CCDC14: variants seen among roughly 807,000 people sequenced by gnomAD.
CCDC14 encodes coiled-coil domain-containing protein 14.
CCDC14 carries 71 observed loss-of-function variants against 81.4 expected under a neutral mutation model. The ratio of observed to expected loss-of-function variants is 0.87; its 90% CI spans 0.72 to 1.06. The LOEUF (loss-of-function observed/expected upper bound fraction) is 1.06. CCDC14 is among the 50% of genes least tolerant of loss of function. The probability of loss-of-function intolerance (pLI) is 0.00; values close to 1 mark genes in which losing one functional copy is unlikely to be tolerated. For missense variants in CCDC14, 1,046 were observed against 1,047.3 expected (o/e 1.00, Z 0.02); for synonymous variants, 332 against 364.8 (o/e 0.91, Z 1.03).
intron 9 of CCDC14, among the ~76,000 whole-genome samples, chr3:123,934,422 GTAGT>G (rs72341994): frequency 0.11 from 16,611 of 150,744 alleles, 2,012 homozygotes; most frequent in East Asian, 0.42. Context: ...CTTCATCACT[GTAGT>G]TAATCATCTA....
At chr3:123,918,493 T>A (rs1432001138) in intron 12 of CCDC14, among the ~76,000 whole-genome samples, 1 of 152,180 alleles carries the variant, frequency 6.6e-6, no homozygotes, top group East Asian at 1.9e-4. Context: ...TTCATGAATA[T>A]CCCAGAACTC....
At chr3:123,902,770 AT>A (rs2034203990) in intron 5 of CCDC14, among the ~76,000 whole-genome samples, 1 of 152,260 alleles carries the variant, frequency 6.6e-6, no homozygotes. Context: ...ATTATTGTTA[AT>A]TTTTTTAGAT....
intron 6 of CCDC14, 26 bp from the exon 7 acceptor site, chr3:123,948,811 A>C: frequency 6.3e-7 from 1 of 1,578,666 alleles, no homozygotes; most frequent in South Asian, 1.2e-5. Flanking sequence ...AGAAAAAATT[A>C]ATCACATATC....
chr3:123,913,152 A>T (rs2034485277), downstream of CCDC14, among the ~76,000 whole-genome samples: 1 of 152,196 alleles, frequency 6.6e-6, no homozygotes, highest in Non-Finnish European at 1.5e-5. Context: ...TAACCAAATT[A>T]TTGCATGTTC....
chr3:123,935,855 T>C (rs1041558413), intron 9 of CCDC14, among the ~76,000 whole-genome samples: 2 of 152,176 alleles, frequency 1.3e-5, no homozygotes, highest in African/African-American at 4.8e-5. Flanking sequence ...CTCAATTGTA[T>C]ACTTTCCTTT....
chr3:123,927,122 G>T (rs2035410092), intron 12 of CCDC14, among the ~76,000 whole-genome samples: 1 of 151,840 alleles, frequency 6.6e-6, no homozygotes, highest in Non-Finnish European at 1.5e-5. Flanking sequence ...TTAATGTAAA[G>T]AACAAAACAA....
rs373195627 is a variant in CCDC14, at chr3:123,931,198, T to C, written c.1682A>G (p.Gln561Arg). ...EEALVNVKSSQFKLETAEKEN... is the reference protein window; with the variant it reads ...EEALVNVKSSRFKLETAEKEN... ...CTTTTCAGCAGTTTCTAACTTAAAC[T>C]GGGAGCTTTTCACATTGACTAGGGC... Residue 561 changes from glutamine (Q) to arginine (R), a missense_variant, in exon 12 of 13, where the codon CAG becomes CGG. By Grantham distance (43) the Gln-to-Arg change is conservative. Transcript: ENST00000409697. The C allele has an allele frequency of 2.8e-5, 45 of 1,612,142 alleles. 1 individual carries two copies. The South Asian group carries it at 4.3e-4, about 15-fold the overall frequency.
chr3:123,932,281 A>G (rs565468344), intron 10 of CCDC14, among the ~76,000 whole-genome samples: 1 of 152,288 alleles, frequency 6.6e-6, no homozygotes, highest in African/African-American at 2.4e-5. Flanking sequence ...TAAAGTGGCA[A>G]CTACTGATCT....
At chr3:123,942,909 G>A (rs1169507358) in intron 9 of CCDC14, among the ~76,000 whole-genome samples, 1 of 151,924 alleles carries the variant, frequency 6.6e-6, no homozygotes, top group Non-Finnish European at 1.5e-5. Context: ...AACAAGTTAA[G>A]ATGACCAAAA....
At chr3:123,923,870 C>T (rs986955724) in intron 12 of CCDC14, among the ~76,000 whole-genome samples, 1 of 150,804 alleles carries the variant, frequency 6.6e-6, no homozygotes, top group Non-Finnish European at 1.5e-5. Context: ...TCATGCTACC[C>T]AAAATGACCT....
intron 9 of CCDC14, among the ~76,000 whole-genome samples, chr3:123,936,735 T>C (rs554088520): frequency 6.6e-6 from 1 of 152,098 alleles, no homozygotes; most frequent in South Asian, 2.1e-4. Flanking sequence ...AAGATAACTA[T>C]TGTGTACTGG....
chr3:123,892,811 C>A (rs1198569887), downstream of CCDC14, among the ~76,000 whole-genome samples: 4 of 151,858 alleles, frequency 2.6e-5, no homozygotes, highest in Non-Finnish European at 5.9e-5. Flanking sequence ...TAATTTTAAC[C>A]ATTTTTTTTT....
At chr3:123,923,441 G>C (rs572708360) in intron 12 of CCDC14, among the ~76,000 whole-genome samples, 2 of 151,868 alleles carry the variant, frequency 1.3e-5, no homozygotes, top group Admixed American at 6.5e-5. Context: ...GAGTAATTAT[G>C]CAAGAGAAAA....
In CCDC14 at chr3:123,915,694, C is replaced by A; in HGVS notation, c.1803G>T (p.Lys601Asn). ...LTRTLQTSMA[K>N]LLSDLSVDSA... ...TGTCCACACTAAGATCGGAGAGAAG[C>A]TTTGCCATGCTAGTCTGTAAAGTTC... Residue 601 changes from lysine to asparagine, a missense_variant, in exon 13 of 13, where the codon AAG becomes AAT. Lys to Asn is a moderately conservative substitution (Grantham distance 94, BLOSUM62 0). Coordinates refer to ENST00000409697, the MANE Select transcript of CCDC14 (RefSeq NM_001366335.1). The A allele has an allele frequency of 6.2e-7, 1 of 1,612,298 alleles. No individual in the cohort carries two copies. Among genetic ancestry groups the A allele is most frequent in the East Asian group, 2.2e-5 (1 of 44,860 alleles).
At chr3:123,902,551 A>T (rs1577199686) in intron 5 of CCDC14, among the ~76,000 whole-genome samples, 1 of 152,242 alleles carries the variant, frequency 6.6e-6, no homozygotes, top group Non-Finnish European at 1.5e-5. Context: ...CAAAACATAG[A>T]AATGCAACTT....
intron 12 of CCDC14, among the ~76,000 whole-genome samples, chr3:123,917,764 T>C (rs2034800205): frequency 6.6e-6 from 1 of 152,104 alleles, no homozygotes; most frequent in Non-Finnish European, 1.5e-5. Context: ...ATAACTCTTC[T>C]GGAGAGGAAA....
rs1420728730 is a variant in CCDC14, at chr3:123,931,342, C to A, written c.1611G>T (p.Gln537His). Residue 537 changes from glutamine to histidine, a missense_variant, in exon 11 of 13, where the codon CAG (glutamine) becomes CAT (histidine). Coordinates refer to ENST00000409697, the MANE Select transcript of CCDC14 (RefSeq NM_001366335.1). ...TTCTTGTTATCTCAATATCATATTG[C>A]TGTTTATTTTCAAGTATAGTTTGAT... ...DKDQTILENK[Q>H]QYDIEITRIK... is the part of the protein sequence containing the mutation. 6.6e-7 allele frequency: 1 copy of A among 1,519,888 alleles called. No individual in the cohort carries two copies. The highest frequency in any genetic ancestry group is 2.4e-5 in the East Asian group (1 of 41,136). 94.2% of individuals were successfully genotyped at this position (1,519,888 alleles called of 1,614,324 possible).
chr3:123,952,616 G>C (rs2037082183), intron 5 of CCDC14: 1 of 531,110 alleles, frequency 1.9e-6, no homozygotes, highest in Non-Finnish European at 3.9e-6. Flanking sequence ...GGCATTCAGT[G>C]ATCAGGTAGG....
chr3:123,907,392 C>T (rs1442684491), intron 5 of CCDC14, among the ~76,000 whole-genome samples: 1 of 152,064 alleles, frequency 6.6e-6, no homozygotes, highest in African/African-American at 2.4e-5. Context: ...ATCCTCTCCC[C>T]ATTGTTACAA....
Sources: allele counts gnomAD v4.1 joint callset (sites outside exome capture counted in the v4.1 genomes callset), GRCh38; gene constraint gnomAD v4.1.1; transcripts MANE v1.5; gene names NCBI Gene and HGNC (gene_info 2026-07-23, HGNC 2026-07-21).